SLC38A6: variants seen among roughly 807,000 people sequenced by gnomAD.
The protein encoded by SLC38A6 is N system amino acid transporter NAT-1.
A neutral mutation model predicts 65.0 loss-of-function variants in SLC38A6; 73 were observed. The observed-to-expected ratio is 1.12, with a 90% CI of 0.93 to 1.37. The LOEUF is 1.37. Among genes scored for constraint, SLC38A6 ranks in the 40% most tolerant of loss-of-function variants. SLC38A6 has a pLI of 0.00. For synonymous variants in SLC38A6, 183 were observed against 178.8 expected (o/e 1.02, Z -0.19); for missense variants, 561 against 531.1 (o/e 1.06, Z -0.55).
intron 3 of SLC38A6, among the ~76,000 whole-genome samples, chr14:61,013,911 C>T (rs2039783874): frequency 6.6e-6 from 1 of 152,108 alleles, no homozygotes; most frequent in South Asian, 2.1e-4. Context: ...TCTGTATTTC[C>T]TGAATGTGAA....
intron 3 of SLC38A6, among the ~76,000 whole-genome samples, chr14:61,010,603 C>A (rs557469850): frequency 4.5e-4 from 68 of 152,292 alleles, no homozygotes; most frequent in African/African-American, 1.5e-3. Flanking sequence ...CTACATATGG[C>A]TAGCCAGTTT....
chr14:61,039,189 A>T (rs2041616738), intron 8 of SLC38A6, among the ~76,000 whole-genome samples: 1 of 152,166 alleles, frequency 6.6e-6, no homozygotes, highest in Non-Finnish European at 1.5e-5. Flanking sequence ...AATTCAATGC[A>T]GATTTCTAAT....
intron 3 of SLC38A6, among the ~76,000 whole-genome samples, chr14:60,997,215 C>T (rs2038359643): frequency 6.6e-6 from 1 of 152,126 alleles, no homozygotes. Context: ...CAACCTCCAC[C>T]TCCCAGGCTC....
chr14:61,046,191 A>G, intron 12 of SLC38A6, 24 bp downstream of exon 12: 1 of 1,443,632 alleles, frequency 6.9e-7, no homozygotes, highest in Non-Finnish European at 9.7e-7. Flanking sequence ...AAAATTATAG[A>G]TGACAAAATA....
chr14:61,066,695 C>G (rs938064958), intron 15 of SLC38A6, among the ~76,000 whole-genome samples: 1 of 152,164 alleles, frequency 6.6e-6, no homozygotes, highest in Non-Finnish European at 1.5e-5. Flanking sequence ...GCTGCAGAAC[C>G]ACATATACAA....
intron 12 of SLC38A6, among the ~76,000 whole-genome samples, chr14:61,049,202 A>G (rs1215304618): frequency 1.3e-5 from 2 of 152,142 alleles, no homozygotes; most frequent in Admixed American, 1.3e-4. Flanking sequence ...TCATTATTGC[A>G]TTTCTGTGGC....
In SLC38A6 at chr14:61,045,423, A is replaced by G; in HGVS notation, c.822A>G (p.Gln274=). The change falls in exon 11 of 16, where the codon CAA becomes CAG. Residue 274 remains glutamine (Q), a splice_region_variant and synonymous_variant. Transcript: ENST00000267488. ...TSILPIYCEL[Q]SPSKKRMQNV... ...TATTGCCCATATACTGTGAACTTCA[A>G]AGGTACTGTAGAATCCTGGAATATT... 1.2e-6 allele frequency: 2 copies of G among 1,603,240 alleles called. No individual in the cohort carries two copies. The highest frequency in any genetic ancestry group is 1.1e-5 in the South Asian group (1 of 90,650).
In SLC38A6 at chr14:61,051,805, A is replaced by G; in HGVS notation, c.1069A>G (p.Met357Val). 6.2e-7 allele frequency: 1 copy of G among 1,612,108 alleles called. No individual in the cohort carries two copies. Among genetic ancestry groups the G allele is most frequent in the Non-Finnish European group, 8.5e-7 (1 of 1,179,330 alleles). Residue 357 changes from methionine to valine, a missense_variant, in exon 14 of 16, where the codon ATG becomes GTG. Met to Val is a conservative substitution (Grantham distance 21). Coordinates refer to ENST00000267488, the MANE Select transcript of SLC38A6 (RefSeq NM_153811.3). ...IHFPARKAVT[M>V]MFFSNFPFSW... is the part of the protein sequence containing the mutation. ...AATACAGGCCAGAAAAGCTGTAACA[A>G]TGATGTTTTTCTCCAATTTTCCATT...
downstream of SLC38A6, chr14:61,083,731 C>T (rs2043745897): frequency 5.2e-6 from 8 of 1,543,768 alleles, no homozygotes; most frequent in Admixed American, 2.0e-5. Context: ...GTTTAATCAC[C>T]CAGTTTGTGG....
chr14:61,065,705 A>C (rs2042997777), intron 15 of SLC38A6, among the ~76,000 whole-genome samples: 1 of 152,216 alleles, frequency 6.6e-6, no homozygotes, highest in Admixed American at 6.5e-5. Flanking sequence ...GATTCATTTT[A>C]GGGCCTGGGA....
chr14:61,067,206 C>T (rs2043049566), intron 15 of SLC38A6, among the ~76,000 whole-genome samples: 1 of 152,174 alleles, frequency 6.6e-6, no homozygotes. Context: ...AGTTACTATT[C>T]TCTGAACTTG....
At chr14:61,025,660 T>G (rs2040571597) in intron 5 of SLC38A6, among the ~76,000 whole-genome samples, 1 of 152,206 alleles carries the variant, frequency 6.6e-6, no homozygotes, top group South Asian at 2.1e-4. Context: ...TTTTGGTCAT[T>G]TTTTAATCAA....
intron 12 of SLC38A6, among the ~76,000 whole-genome samples, chr14:61,049,267 A>T (rs1293845788): frequency 6.6e-6 from 1 of 152,160 alleles, no homozygotes; most frequent in African/African-American, 2.4e-5. Context: ...TCTGAAATGC[A>T]TTTCCAGCCC....
intron 4 of SLC38A6, among the ~76,000 whole-genome samples, chr14:61,016,833 A>G (rs2040042318): frequency 6.6e-6 from 1 of 152,242 alleles, no homozygotes; most frequent in Admixed American, 6.5e-5. Context: ...ATTTTGAAAT[A>G]TGTAAACATT....
intron 5 of SLC38A6, among the ~76,000 whole-genome samples, chr14:61,020,922 C>T (rs1381664084): frequency 6.6e-6 from 1 of 152,134 alleles, no homozygotes; most frequent in Non-Finnish European, 1.5e-5. Flanking sequence ...TTTATGTAGA[C>T]TGTTCAGTTC....
chr14:61,036,250 A>G (rs547483851), intron 6 of SLC38A6, among the ~76,000 whole-genome samples: 1 of 152,168 alleles, frequency 6.6e-6, no homozygotes. Context: ...TGTTATTTCA[A>G]AATTATCATG....
chr14:61,050,496 ATTATT>A lies in SLC38A6; in HGVS notation c.926-9_926-5del, dbSNP rs767413567. ...CTTAGTACTTTATAATGTGATCCTT[ATTATT>A]TTATTTACAGACAAAGTGGAGTCAG... On this transcript the variant is annotated splice_polypyrimidine_tract_variant and intron_variant, in intron 12 of 15. Transcript: ENST00000267488. The A allele has an allele frequency of 6.8e-7, 1 of 1,474,586 alleles. No individual in the cohort carries two copies. Among genetic ancestry groups the A allele is most frequent in the Admixed American group, 1.8e-5 (1 of 55,522 alleles). The allele number at this position is 1,474,586 out of a possible 1,614,324, so 91.3% of individuals were successfully genotyped here.
intron 3 of SLC38A6, among the ~76,000 whole-genome samples, chr14:61,000,241 G>T (rs2038611483): frequency 6.6e-6 from 1 of 152,218 alleles, no homozygotes; most frequent in African/African-American, 2.4e-5. Context: ...GGATACATGG[G>T]TGATGAATAG....
At chr14:61,047,970 G>GATAC (rs2042255302) in intron 12 of SLC38A6, among the ~76,000 whole-genome samples, 4 of 141,652 alleles carry the variant, frequency 2.8e-5, no homozygotes, top group South Asian at 2.3e-4. Flanking sequence ...TAGATAGATA[G>GATAC]ATAGATACAT....
Sources: allele counts gnomAD v4.1 joint callset (sites outside exome capture counted in the v4.1 genomes callset), GRCh38; gene constraint gnomAD v4.1.1; transcripts MANE v1.5; gene names NCBI Gene and HGNC (gene_info 2026-07-23, HGNC 2026-07-21).